The following PFDN1 variants were observed in gnomAD, a reference collection of about 807,000 sequenced individuals.
PFDN1 encodes prefoldin 1.
PFDN1 carries 6 observed loss-of-function variants against 17.3 expected under a neutral mutation model. The observed-to-expected ratio is 0.35, with a 90% CI of 0.19 to 0.69. The LOEUF (loss-of-function observed/expected upper bound fraction) is 0.69, where lower values mean the gene tolerates loss of function less well. Ranked by LOEUF, PFDN1 falls within the 30% of genes least tolerant of loss-of-function variation. The pLI is 0.65. For missense variants in PFDN1, 113 were observed against 146.2 expected (o/e 0.77, Z 1.17); for synonymous variants, 58 against 50.1 (o/e 1.16, Z -0.67).
chr5:140,281,965 T>G (rs1017946665), intron 2 of PFDN1: 1 of 155,734 alleles, frequency 6.4e-6, no homozygotes, highest in East Asian at 1.9e-4. Context: ...GGAGGACTGC[T>G]TGAGCCTGGG....
At position 140,245,964 on chromosome 5, in the gene PFDN1, G is replaced by A. The variant is rs992615822; in HGVS notation, c.*10C>T. ...GAGGGGCAGGAGGAAGAGCTTCCCAGAGAGGCTCCCTACTGGGCCCTTCGT... is the reference window on the plus strand; with the variant it reads ...GAGGGGCAGGAGGAAGAGCTTCCCAAAGAGGCTCCCTACTGGGCCCTTCGT... On this transcript the variant is annotated 3_prime_UTR_variant, in exon 4 of 4. Coordinates refer to ENST00000261813, the MANE Select transcript of PFDN1 (RefSeq NM_002622.5). 5 of 1,521,700 alleles carry A rather than the reference G, an allele frequency of 3.3e-6. No individual in the cohort carries two copies. The Admixed American group carries it at 5.8e-5, about 18-fold the overall frequency. The allele number at this position is 1,521,700 out of a possible 1,614,324, so 94.3% of individuals were successfully genotyped here.
intron 3 of PFDN1, among the ~76,000 whole-genome samples, chr5:140,264,673 CA>C (rs940925019): frequency 7.3e-4 from 100 of 137,144 alleles, no homozygotes; most frequent in East Asian, 1.7e-3. Context: ...CCTGTCTTTA[CA>C]AAAAAAAAAA....
rs985532620 is a variant in PFDN1 at position 140,303,023 on chromosome 5, C to T, written c.33+18G>A. 3 of 1,593,510 alleles carry T rather than the reference C, an allele frequency of 1.9e-6. No individual in the cohort carries two copies. The African/African-American group carries it at 4.0e-5, about 21-fold the overall frequency. ...CCTCCAAAAAGAAGACCTCCGCCTG[C>T]CAAAGACCCTCTTTTACCTTCTTCA... is the stretch of plus-strand genomic sequence containing the variant. On this transcript the variant is annotated intron_variant, in intron 1 of 3. Coordinates refer to ENST00000261813, the MANE Select transcript of PFDN1 (RefSeq NM_002622.5).
Position 140,286,825 on chromosome 5 carries a change from G to A in PFDN1, c.201-5292C>T, listed in dbSNP as rs750500377. On this transcript the variant is annotated intron_variant, in intron 2 of 3. Coordinates refer to ENST00000261813, the MANE Select transcript of PFDN1 (RefSeq NM_002622.5). Reference sequence around the variant, plus strand: ...TTACCATGTTGTCCAGGCTAGTCTCGAACTCCTGACCTCAGGGGATCCAAC... The same window carrying A: ...TTACCATGTTGTCCAGGCTAGTCTCAAACTCCTGACCTCAGGGGATCCAAC... 3.9e-5 allele frequency among the ~76,000 whole-genome samples: 6 copies of A among 151,968 alleles called. No homozygotes were observed. The East Asian group carries it at 7.7e-4, about 20-fold the overall frequency.
At chr5:140,300,669 G>T in intron 1 of PFDN1, 87 bp from the exon 2 acceptor site, 2 of 837,730 alleles carry the variant, frequency 2.4e-6, no homozygotes, top group Non-Finnish European at 3.7e-6. Flanking sequence ...AACAAAATAT[G>T]CTAGCCAGAG....
chr5:140,289,993 G>C (rs1765555892), intron 2 of PFDN1, among the ~76,000 whole-genome samples: 1 of 152,024 alleles, frequency 6.6e-6, no homozygotes, highest in East Asian at 1.9e-4. Flanking sequence ...ACTAAACTCT[G>C]CCTAATTCAT....
Position 140,254,252 on chromosome 5 carries a change from C to T in PFDN1, c.286-8195G>A, listed in dbSNP as rs966021564. Among the ~76,000 whole-genome samples the T allele has an allele frequency of 3.3e-5, 5 of 152,050 alleles. No homozygotes were observed. Among genetic ancestry groups the T allele is most frequent in the African/African-American group, 1.2e-4 (5 of 41,392 alleles). ...AGGCGGTGGTTTGCCAGTGTCTGTTCCTTAAAAAGATGGGGCTTTAAAGGG... is the reference window on the plus strand; with the variant it reads ...AGGCGGTGGTTTGCCAGTGTCTGTTTCTTAAAAAGATGGGGCTTTAAAGGG... On this transcript the variant is annotated intron_variant, in intron 3 of 3. Transcript: ENST00000261813. This position sits in a 1 kb window ranked among gnomAD's most constrained non-coding sequence, Gnocchi z 4.4.
chr5:140,282,493 T>C (rs1221771703), intron 2 of PFDN1, among the ~76,000 whole-genome samples: 2 of 151,932 alleles, frequency 1.3e-5, no homozygotes, highest in Non-Finnish European at 2.9e-5. Context: ...TTAGTGTTTA[T>C]ATGAGTTCCT....
intron 3 of PFDN1, among the ~76,000 whole-genome samples, chr5:140,277,278 C>T (rs1324245452): frequency 1.3e-5 from 2 of 150,438 alleles, no homozygotes; most frequent in African/African-American, 4.9e-5. Context: ...ATTGGTTTTA[C>T]ATGAGAGAGT....
At position 140,261,534 on chromosome 5, in the gene PFDN1, T is replaced by A. The variant is rs76962457; in HGVS notation, c.286-15477A>T. On this transcript the variant is annotated intron_variant, in intron 3 of 3. Coordinates refer to ENST00000261813, the MANE Select transcript of PFDN1 (RefSeq NM_002622.5). ...AACCCATAAAAGGACCGGGAGACAG[T>A]GAAAACAAGCAAGAGCTCAAAGCCA... 4.6e-5 allele frequency among the ~76,000 whole-genome samples: 7 copies of A among 152,020 alleles called. No homozygotes were observed. The South Asian group carries it at 1.0e-3, about 23-fold the overall frequency.
intron 2 of PFDN1, among the ~76,000 whole-genome samples, chr5:140,296,440 A>G (rs941915690): frequency 3.9e-5 from 6 of 152,154 alleles, no homozygotes; most frequent in Non-Finnish European, 5.9e-5. Flanking sequence ...CTACACACTC[A>G]ATGTGCTTTA....
chr5:140,249,901 A>G (rs886916908), intron 3 of PFDN1, among the ~76,000 whole-genome samples: 2 of 152,040 alleles, frequency 1.3e-5, no homozygotes, highest in Admixed American at 1.3e-4. Context: ...CACCTTCAAC[A>G]CTGGGGATCA....
intron 3 of PFDN1, among the ~76,000 whole-genome samples, chr5:140,280,014 C>CAAAAAAAAAAAAAAAAAAAAA (rs5871731): frequency 1.0e-4 from 10 of 99,122 alleles, no homozygotes; most frequent in African/African-American, 1.5e-4. Context: ...AAAAAAAAAA[C>CAAAAAAAAAAAAAAAAAAAAA]AAAAAAAGAA....
intron 3 of PFDN1, among the ~76,000 whole-genome samples, chr5:140,266,693 A>G (rs1765137958): frequency 6.6e-6 from 1 of 152,134 alleles, no homozygotes; most frequent in Non-Finnish European, 1.5e-5. Context: ...AGAATGTGGA[A>G]CACACACACA....
At chr5:140,278,576 AAAAAAAAAAAACAAAAAAC>A (rs1765339159) in intron 3 of PFDN1, among the ~76,000 whole-genome samples, 2 of 150,338 alleles carry the variant, frequency 1.3e-5, no homozygotes, top group African/African-American at 4.9e-5. Context: ...AAAAAAAAAA[AAAAAAAAAAAACAAAAAAC>A]AAAACATAAG....
At chr5:140,278,557 C>CAAAAAAAAAAAAAAAAA (rs113129230) in intron 3 of PFDN1, among the ~76,000 whole-genome samples, 11 of 79,010 alleles carry the variant, frequency 1.4e-4, no homozygotes, top group East Asian at 4.8e-4. Context: ...GACTCTGTCT[C>CAAAAAAAAAAAAAAAAA]AAAAAAAAAA....
At position 140,302,943 on chromosome 5, in the gene PFDN1, C is replaced by A; in HGVS notation, c.33+98G>T. The A allele has an allele frequency of 1.3e-5, 12 of 899,596 alleles. No homozygotes were observed. The South Asian group carries it at 1.6e-4, about 12-fold the overall frequency. 55.7% of individuals were successfully genotyped at this position (899,596 alleles called of 1,614,324 possible). On this transcript the variant is annotated intron_variant, in intron 1 of 3. Transcript: ENST00000261813. ...CCATTCCCTAGTCCACTGGACCCTC[C>A]TTCCTTCTGCAAGGCTCGTGCCTCA...
intron 2 of PFDN1, among the ~76,000 whole-genome samples, chr5:140,287,041 G>A (rs1765506362): frequency 6.6e-6 from 1 of 152,186 alleles, no homozygotes; most frequent in African/African-American, 2.4e-5. Context: ...TGGCTCTAAT[G>A]TAAGTTATTA....
chr5:140,268,656 C>A (rs572786805), intron 3 of PFDN1, among the ~76,000 whole-genome samples: 26 of 151,644 alleles, frequency 1.7e-4, no homozygotes, highest in Admixed American at 1.4e-3. Context: ...ACAACAACAA[C>A]AAAAAAAAGT....
Sources: gnomAD v4.1 joint callset for allele counts (sites outside exome capture counted in the v4.1 genomes callset) on GRCh38, gnomAD v4.1.1 for gene constraint, Gnocchi (gnomAD v3.1) non-coding constraint, MANE v1.5 for transcripts, NCBI Gene and HGNC (gene_info 2026-07-23, HGNC 2026-07-21) for gene names.